STIM1: variants seen among roughly 807,000 people sequenced by gnomAD.
STIM1 encodes stromal interaction molecule 1.
A neutral mutation model predicts 74.7 loss-of-function variants in STIM1; 25 were observed. The observed-to-expected ratio is 0.33, with a 90% confidence interval of 0.24 to 0.47. The LOEUF (loss-of-function observed/expected upper bound fraction) is 0.47, where lower values mean the gene tolerates loss of function less well. STIM1 is among the 20% of genes least tolerant of loss of function. STIM1 has a pLI of 1.00. For missense variants in STIM1, 728 were observed against 920.8 expected, an observed-to-expected ratio of 0.79 and a Z score of 2.71; for synonymous variants, 328 against 348.8, an observed-to-expected ratio of 0.94 and a Z score of 0.66.
intron 1 of STIM1, among the ~76,000 whole-genome samples, chr11:3,910,963 G>A (rs962053347): frequency 2.0e-5 from 3 of 152,172 alleles, no homozygotes; most frequent in Admixed American, 2.0e-4. Flanking sequence ...TCCAGCCTGG[G>A]CAACAGAGCG....
chr11:4,083,579 A>G (rs1231799532), intron 10 of STIM1, 81 bp downstream of exon 10: 6 of 1,344,602 alleles, frequency 4.5e-6, no homozygotes, highest in African/African-American at 4.3e-5. Context: ...TTGTGCTTAA[A>G]CAGCAGATGG....
chr11:3,868,736 A>T lies in STIM1; in HGVS notation c.139+12327A>T, dbSNP rs116392320. Among the ~76,000 whole-genome samples, 1,260 of 152,260 alleles carry T rather than the reference A, an allele frequency of 8.3e-3. 17 individuals carry two copies. Among genetic ancestry groups the T allele is most frequent in the African/African-American group, 0.028 (1,151 of 41,544 alleles). ...CTACAGAGTGGTGTATATTCAGTTT[A>T]TATTTTCCAAAACTATCACCCTGGT... is the stretch of plus-strand genomic sequence containing the variant. On this transcript the variant is annotated intron_variant, in intron 1 of 12. Transcript: ENST00000526596.
intron 3 of STIM1, among the ~76,000 whole-genome samples, chr11:4,045,060 T>C (rs1185880501): frequency 6.6e-6 from 1 of 152,030 alleles, no homozygotes; most frequent in Non-Finnish European, 1.5e-5. Context: ...ACCACTGTGG[T>C]GTAGGGTGCT....
At chr11:3,856,458 C>T (rs775840019) in intron 1 of STIM1, 49 bp downstream of exon 1, 2 of 1,587,526 alleles carry the variant, frequency 1.3e-6, no homozygotes, top group Admixed American at 1.8e-5. Context: ...TGGCTCAGGA[C>T]TGAGTGGCCC....
At chr11:3,869,002 T>A (rs969022758) in intron 1 of STIM1, among the ~76,000 whole-genome samples, 1 of 152,074 alleles carries the variant, frequency 6.6e-6, no homozygotes, top group Non-Finnish European at 1.5e-5. Context: ...CGAGTCTCAC[T>A]CTGTCGCCCA....
chr11:3,923,053 C>T (rs1590568669), intron 1 of STIM1, among the ~76,000 whole-genome samples: 1 of 149,072 alleles, frequency 6.7e-6, no homozygotes, highest in East Asian at 2.0e-4. Flanking sequence ...GAGCAGAGAT[C>T]GGCGCCACTG....
intron 6 of STIM1, among the ~76,000 whole-genome samples, chr11:4,071,801 G>A (rs1232918742): frequency 6.6e-6 from 1 of 152,204 alleles, no homozygotes; most frequent in Non-Finnish European, 1.5e-5. Context: ...AAGGCTCAGA[G>A]AGGGTAAGTG....
chr11:3,891,745 G>T (rs2091902003), intron 1 of STIM1, among the ~76,000 whole-genome samples: 1 of 152,068 alleles, frequency 6.6e-6, no homozygotes, highest in Non-Finnish European at 1.5e-5. Flanking sequence ...TTACCAATGT[G>T]TTTATCTATG....
chr11:3,895,643 T>C (rs1204295654), intron 1 of STIM1, among the ~76,000 whole-genome samples: 3 of 8,758 alleles, frequency 3.4e-4, no homozygotes, highest in Non-Finnish European at 5.8e-4. Flanking sequence ...TCTTTCTTTC[T>C]TTCTTTCTTT....
chr11:4,027,990 A>G (rs2094012044), intron 3 of STIM1, among the ~76,000 whole-genome samples: 1 of 152,218 alleles, frequency 6.6e-6, no homozygotes, highest in Non-Finnish European at 1.5e-5. Flanking sequence ...TCCTCTAACC[A>G]TGGCTTTCAT....
chr11:3,893,915 G>T (rs1325096550), intron 1 of STIM1, among the ~76,000 whole-genome samples: 2 of 152,052 alleles, frequency 1.3e-5, no homozygotes, highest in East Asian at 3.9e-4. Context: ...TCTCTTCTGG[G>T]ACTACAGGCA....
At chr11:3,864,752 C>G (rs1460214825) in intron 1 of STIM1, among the ~76,000 whole-genome samples, 1 of 152,182 alleles carries the variant, frequency 6.6e-6, no homozygotes, top group Non-Finnish European at 1.5e-5. Flanking sequence ...TAAAGGATGC[C>G]TCTGAGATTG....
chr11:3,887,743 C>T (rs543753954), intron 1 of STIM1, among the ~76,000 whole-genome samples: 2 of 151,928 alleles, frequency 1.3e-5, no homozygotes, highest in African/African-American at 2.4e-5. Context: ...CCGAGACGGG[C>T]GGATCACGAG....
chr11:4,086,336 C>T (rs2094492743), intron 11 of STIM1, 141 bp from the exon 12 acceptor site: 3 of 924,150 alleles, frequency 3.2e-6, no homozygotes, highest in Admixed American at 2.5e-5. Flanking sequence ...TGGGAGGTTT[C>T]TGGGAGGAGG....
At chr11:4,068,655 G>A (rs2094384106) in intron 5 of STIM1, among the ~76,000 whole-genome samples, 1 of 152,072 alleles carries the variant, frequency 6.6e-6, no homozygotes, top group Non-Finnish European at 1.5e-5. Flanking sequence ...CTTTCAGAGA[G>A]CCTGGAATAA....
intron 12 of STIM1, chr11:4,086,754 T>C (rs1232122880): frequency 2.0e-6 from 3 of 1,537,280 alleles, no homozygotes; most frequent in Non-Finnish European, 2.6e-6. Flanking sequence ...ATGTCCACCC[T>C]GTTTATTACC....
chr11:3,885,325 T>G (rs1266378836), intron 1 of STIM1, among the ~76,000 whole-genome samples: 1 of 151,912 alleles, frequency 6.6e-6, no homozygotes, highest in East Asian at 1.9e-4. Flanking sequence ...GCTATAGACG[T>G]GTGCTAGCCT....
chr11:3,976,823 C>A (rs1049268310), intron 2 of STIM1, among the ~76,000 whole-genome samples: 2 of 150,482 alleles, frequency 1.3e-5, no homozygotes, highest in Admixed American at 6.6e-5. Flanking sequence ...GAGATGGAGT[C>A]TCACTCTGTC....
chr11:4,078,546 C>T (rs930105941), intron 7 of STIM1, among the ~76,000 whole-genome samples: 1 of 151,466 alleles, frequency 6.6e-6, no homozygotes, highest in Non-Finnish European at 1.5e-5. Flanking sequence ...GTGGTTTTCA[C>T]ACTTTTTGTT....
Sources: allele counts gnomAD v4.1 joint callset (sites outside exome capture counted in the v4.1 genomes callset), GRCh38; gene constraint gnomAD v4.1.1; transcripts MANE v1.5; gene names NCBI Gene and HGNC (gene_info 2026-07-23, HGNC 2026-07-21).